Variants in SLC44A2 observed in about 807,000 individuals in gnomAD.
SLC44A2 encodes the protein solute carrier family 44 member 2 (CTL2 blood group), also known as choline transporter-like protein 2.
Under a neutral mutation model 90.8 loss-of-function variants are expected in SLC44A2, and 57 were observed. The observed-to-expected ratio is 0.63, with a 90% confidence interval of 0.51 to 0.78. SLC44A2 has a LOEUF of 0.78. Ranked by LOEUF, SLC44A2 falls within the 30% of genes least tolerant of loss-of-function variation. The probability of loss-of-function intolerance (pLI) is 0.00; values close to 1 mark genes in which losing one functional copy is unlikely to be tolerated. For synonymous variants in SLC44A2, 355 were observed against 360.7 expected, an observed-to-expected ratio of 0.98 and a Z score of 0.18; for missense variants, 794 against 919.7, an observed-to-expected ratio of 0.86 and a Z score of 1.77.
At position 10,634,739 on chromosome 19, in the gene SLC44A2, G is replaced by T; in HGVS notation, c.824-17G>T. 3 of 1,614,166 alleles carry T rather than the reference G, an allele frequency of 1.9e-6. No individual in the cohort carries two copies. Among genetic ancestry groups the T allele is most frequent in the Non-Finnish European group, 2.5e-6 (3 of 1,180,022 alleles). On this transcript the variant is annotated splice_polypyrimidine_tract_variant and intron_variant, in intron 10 of 21. Coordinates refer to ENST00000335757, the MANE Select transcript of SLC44A2 (RefSeq NM_020428.4). ...CAGGAGGCACTGCTGGACTGAGCTT[G>T]TGGTTCCCCCATGCAGGAATATTTC...
At position 10,643,990 on chromosome 19, in the gene SLC44A2, G is replaced by T. The variant is rs1417301047; in HGVS notation, c.*605G>T. The T allele has an allele frequency of 6.5e-6, 1 of 152,688 alleles. No individual in the cohort carries two copies. The highest frequency in any genetic ancestry group is 1.5e-5 in the Non-Finnish European group (1 of 68,106). 9.5% of individuals were successfully genotyped at this position (152,688 alleles called of 1,614,324 possible). ...TGCTCCCTCCTAGCTGGGAGTGACG[G>T]GTGGGAGTGTGTGTGCCCAGGTGGG... On this transcript the variant is annotated 3_prime_UTR_variant, in exon 22 of 22. Coordinates refer to ENST00000335757, the MANE Select transcript of SLC44A2 (RefSeq NM_020428.4).
intron 14 of SLC44A2, 41 bp downstream of exon 14, chr19:10,635,556 C>A: frequency 6.4e-7 from 1 of 1,555,188 alleles, no homozygotes; most frequent in Admixed American, 1.9e-5. Context: ...ATTGCCCCAG[C>A]AGGCCCCAGA....
At chr19:10,641,896 G>A (rs1001081745) in intron 20 of SLC44A2, among the ~76,000 whole-genome samples, 1 of 151,606 alleles carries the variant, frequency 6.6e-6, no homozygotes, top group Non-Finnish European at 1.5e-5. Flanking sequence ...GGTGGCTCAC[G>A]CCTGTAATCC....
rs2066925176 is a variant in SLC44A2, at chr19:10,625,672, T to C, written c.37+2T>C. On this transcript the variant is annotated splice_donor_variant, in intron 1 of 21. Transcript: ENST00000335757. LOFTEE classifies it high-confidence loss of function. ...GGCCCCACTACTACGGGAAACACGG[T>C]AGGCAGCGACCCCCGCCCGTAGCCC... 4 of 1,249,670 alleles carry C rather than the reference T, an allele frequency of 3.2e-6. No individual in the cohort carries two copies. Among genetic ancestry groups the C allele is most frequent in the African/African-American group, 3.1e-5 (2 of 64,352 alleles). The allele number at this position is 1,249,670 out of a possible 1,614,324, so 77.4% of individuals were successfully genotyped here. A position where few individuals can be genotyped will look rare whatever the true frequency, so the allele number is the denominator to read the frequency against.
intron 1 of SLC44A2, among the ~76,000 whole-genome samples, chr19:10,608,891 T>G (rs944709143): frequency 6.6e-6 from 1 of 151,368 alleles, no homozygotes; most frequent in Non-Finnish European, 1.5e-5. Context: ...GCTCAAGCTA[T>G]CCACGTGCTT....
At chr19:10,637,588 C>T in intron 16 of SLC44A2, 56 bp from the exon 17 acceptor site, 1 of 1,460,408 alleles carries the variant, frequency 6.8e-7, no homozygotes, top group Middle Eastern at 2.0e-4. Flanking sequence ...AGAGGGGATC[C>T]CTTCCAAGTC....
chr19:10,639,277 C>A (rs991896583), intron 20 of SLC44A2, among the ~76,000 whole-genome samples: 3 of 152,174 alleles, frequency 2.0e-5, no homozygotes, highest in African/African-American at 4.8e-5. Context: ...TGTCAGGCAT[C>A]GAGGTGGAGG....
chr19:10,617,445 A>G (rs2066864714), intron 1 of SLC44A2, among the ~76,000 whole-genome samples: 1 of 150,758 alleles, frequency 6.6e-6, no homozygotes, highest in South Asian at 2.1e-4. Context: ...AGCCAAGTGT[A>G]TGCCAGGCAC....
chr19:10,639,607 C>T (rs148342756), intron 20 of SLC44A2, among the ~76,000 whole-genome samples: 21 of 152,042 alleles, frequency 1.4e-4, no homozygotes, highest in African/African-American at 5.1e-4. Context: ...GGCCAGGCAC[C>T]GTGGCTCACA....
chr19:10,612,788 G>T lies in SLC44A2; in HGVS notation c.31+10227G>T, dbSNP rs541401385. ...GTCACAGCCAGCAAGGCTGGCACCC[G>T]AAGGCTGCCTCTCCCAATCCTGGCC... is the stretch of plus-strand genomic sequence containing the variant. On this transcript the variant is annotated intron_variant, in intron 1 of 21. Transcript: ENST00000407327. Among the ~76,000 whole-genome samples the T allele has an allele frequency of 2.0e-3, 305 of 152,364 alleles. 1 individual carries two copies. Among genetic ancestry groups the T allele is most frequent in the African/African-American group, 7.0e-3 (291 of 41,588 alleles).
At chr19:10,640,609 T>C (rs2067105241) in intron 20 of SLC44A2, among the ~76,000 whole-genome samples, 1 of 152,118 alleles carries the variant, frequency 6.6e-6, no homozygotes, top group East Asian at 1.9e-4. Context: ...CTGACTTCAG[T>C]CAACAAATGT....
intron 19 of SLC44A2, 29 bp from the exon 20 acceptor site, chr19:10,638,198 C>A: frequency 5.6e-6 from 9 of 1,613,382 alleles, no homozygotes; most frequent in Non-Finnish European, 7.6e-6. Context: ...CAGAACCCTT[C>A]GCCATCTTGC....
At chr19:10,640,106 T>G (rs1032157895) in intron 20 of SLC44A2, among the ~76,000 whole-genome samples, 4 of 112,060 alleles carry the variant, frequency 3.6e-5, no homozygotes, top group Admixed American at 2.1e-4. Flanking sequence ...TTTTTTTTTT[T>G]CTGCGATAGA....
chr19:10,627,897 A>C (rs1397326794), intron 3 of SLC44A2, 23 bp from the exon 4 acceptor site: 1 of 1,612,876 alleles, frequency 6.2e-7, no homozygotes, highest in East Asian at 2.2e-5. Flanking sequence ...GCAGTGTCTC[A>C]GTATCCCTGG....
At position 10,641,895 on chromosome 19, in the gene SLC44A2, C is replaced by T. The variant is rs373694747; in HGVS notation, c.1930-472C>T. Among the ~76,000 whole-genome samples, 415 of 151,660 alleles carry T rather than the reference C, an allele frequency of 2.7e-3. 2 individuals are homozygous for T. The highest frequency in any genetic ancestry group is 9.2e-3 in the African/African-American group (381 of 41,382). On this transcript the variant is annotated intron_variant, in intron 20 of 21. Coordinates refer to ENST00000335757, the MANE Select transcript of SLC44A2 (RefSeq NM_020428.4). The stretch of plus-strand genomic sequence containing the variant: ...AAAAGGCCGGGTGTGCGGTGGCTCA[C>T]GCCTGTAATCCCAGCACTTTGGGAG...
chr19:10,614,712 G>T (rs1051724901), intron 1 of SLC44A2, among the ~76,000 whole-genome samples: 1 of 151,532 alleles, frequency 6.6e-6, no homozygotes, highest in East Asian at 2.0e-4. Context: ...GGCTCACGCC[G>T]ATAATCCCAG....
intron 10 of SLC44A2, among the ~76,000 whole-genome samples, chr19:10,633,511 A>G (rs181400045): frequency 1.2e-4 from 18 of 152,272 alleles, no homozygotes; most frequent in Admixed American, 1.2e-3. Context: ...GCTGGAGTTC[A>G]GTGGCACAAT....
At chr19:10,617,354 G>T (rs8106664) in intron 1 of SLC44A2, among the ~76,000 whole-genome samples, 123,263 of 152,020 alleles carry the variant, frequency 0.81, 50,111 homozygotes, top group African/African-American at 0.86. Flanking sequence ...ACCCAGCTAA[G>T]GTTAATAAGA....
At chr19:10,625,399 CG>C, upstream of SLC44A2, 1 of 1,124,788 alleles carries the variant, frequency 8.9e-7, no homozygotes. Flanking sequence ...AGGCTAAATG[CG>C]GCCGGCCGGT....
Sources: gnomAD v4.1 joint callset for allele counts (sites outside exome capture counted in the v4.1 genomes callset) on GRCh38, gnomAD v4.1.1 for gene constraint, MANE v1.5 for transcripts, NCBI Gene and HGNC (gene_info 2026-07-23, HGNC 2026-07-21) for gene names.